Variants in TMEFF2 observed in about 807,000 individuals in gnomAD.
TMEFF2 encodes the protein tomoregulin-2.
TMEFF2 carries 28 observed loss-of-function variants against 53.8 expected under a neutral mutation model. The observed-to-expected ratio is 0.52, with a 90% CI of 0.39 to 0.71. TMEFF2 has a LOEUF of 0.71. TMEFF2 is among the 30% of genes least tolerant of loss of function. TMEFF2 has a pLI of 0.00. For synonymous variants in TMEFF2, 162 were observed against 166.3 expected (o/e 0.97, Z 0.20); for missense variants, 353 against 455.2 (o/e 0.78, Z 2.04).
chr2:192,043,756 A>G lies in TMEFF2; in HGVS notation c.536+13923T>C, dbSNP rs188277115. On this transcript the variant is annotated intron_variant, in intron 5 of 9. Transcript: ENST00000272771. ...ATGAAGGCTACGATGGTAGGAAAAG[A>G]TAAGTGGAAGCTGCTAAAACTGCAT... 258 of 152,400 alleles carry G rather than the reference A, an allele frequency of 1.7e-3. 1 individual carries two copies. The highest frequency in any genetic ancestry group is 6.0e-3 in the African/African-American group (251 of 41,602). The allele number at this position is 152,400 out of a possible 1,614,324, so 9.4% of individuals were successfully genotyped here.
chr2:192,005,047 T>C (rs1223901634), intron 5 of TMEFF2, among the ~76,000 whole-genome samples: 6 of 152,222 alleles, frequency 3.9e-5, no homozygotes, highest in Non-Finnish European at 7.3e-5. Flanking sequence ...GAATCAGCCT[T>C]ACTCGAAAAT....
chr2:192,035,848 A>G (rs1335348294), intron 5 of TMEFF2, among the ~76,000 whole-genome samples: 1 of 152,102 alleles, frequency 6.6e-6, no homozygotes, highest in Admixed American at 6.5e-5. Flanking sequence ...CCCTACTCCA[A>G]ATTGACTTTA....
At chr2:192,131,583 A>G (rs1689830816) in intron 4 of TMEFF2, among the ~76,000 whole-genome samples, 1 of 151,710 alleles carries the variant, frequency 6.6e-6, no homozygotes. Flanking sequence ...CTGTGCCCCA[A>G]TCCCTTATTT....
intron 4 of TMEFF2, among the ~76,000 whole-genome samples, chr2:192,170,620 G>A (rs1199059425): frequency 1.3e-5 from 2 of 152,006 alleles, no homozygotes; most frequent in African/African-American, 4.8e-5. Flanking sequence ...AACTTTATAG[G>A]AAATATTATT....
intron 4 of TMEFF2, among the ~76,000 whole-genome samples, chr2:192,127,223 G>A (rs1351789318): frequency 6.6e-6 from 1 of 152,140 alleles, no homozygotes; most frequent in Non-Finnish European, 1.5e-5. Flanking sequence ...CTGTCAGCAA[G>A]AAGGAAAAAC....
intron 5 of TMEFF2, among the ~76,000 whole-genome samples, chr2:192,055,774 C>CAAAAAAA (rs71405038): frequency 4.7e-4 from 20 of 42,480 alleles, no homozygotes; most frequent in African/African-American, 1.4e-3. Flanking sequence ...GACTCCATCT[C>CAAAAAAA]AAAAAAAAAA....
intron 8 of TMEFF2, among the ~76,000 whole-genome samples, chr2:191,955,722 G>C (rs1692062415): frequency 6.6e-6 from 1 of 151,298 alleles, no homozygotes; most frequent in South Asian, 2.1e-4. Context: ...AAACTGGGGG[G>C]GTATGGCTAA....
At chr2:192,153,189 G>A in intron 4 of TMEFF2, among the ~76,000 whole-genome samples, 1 of 151,492 alleles carries the variant, frequency 6.6e-6, no homozygotes, top group African/African-American at 2.4e-5. Context: ...AAAGAAGTAG[G>A]TTATAGATAT....
intron 5 of TMEFF2, chr2:192,028,010 T>A: frequency 7.3e-6 from 1 of 137,442 alleles, no homozygotes; most frequent in Admixed American, 7.9e-5. Flanking sequence ...TGAATTTAAC[T>A]CCCGTAATTC....
intron 4 of TMEFF2, among the ~76,000 whole-genome samples, chr2:192,070,725 T>G (rs894986511): frequency 6.6e-6 from 1 of 151,928 alleles, no homozygotes; most frequent in African/African-American, 2.4e-5. Context: ...ATCTGAGATC[T>G]TTAAATCATA....
intron 4 of TMEFF2, among the ~76,000 whole-genome samples, chr2:192,068,418 A>G (rs1170998548): frequency 6.6e-6 from 1 of 151,924 alleles, no homozygotes; most frequent in Non-Finnish European, 1.5e-5. Context: ...AGATAAAAAT[A>G]TTATGGAGCC....
chr2:192,037,176 C>G (rs6434528), intron 5 of TMEFF2: 147,176 of 151,728 alleles, frequency 0.97, 71,533 homozygotes, highest in East Asian at 1. Flanking sequence ...TCATTACTGG[C>G]TTCTTTCTCT....
At chr2:192,091,505 G>T (rs1688789505) in intron 4 of TMEFF2, among the ~76,000 whole-genome samples, 1 of 152,108 alleles carries the variant, frequency 6.6e-6, no homozygotes, top group African/African-American at 2.4e-5. Context: ...TACTTCCTTT[G>T]CTTGTCTGCA....
chr2:192,080,254 G>A (rs1457339247), intron 4 of TMEFF2, among the ~76,000 whole-genome samples: 3 of 152,112 alleles, frequency 2.0e-5, no homozygotes, highest in Non-Finnish European at 2.9e-5. Flanking sequence ...TAATCCCCAC[G>A]TGTCAAGGGA....
intron 4 of TMEFF2, among the ~76,000 whole-genome samples, chr2:192,152,685 T>C (rs1438683468): frequency 6.6e-6 from 1 of 151,928 alleles, no homozygotes; most frequent in Non-Finnish European, 1.5e-5. Flanking sequence ...AAAAGACAAT[T>C]ATTTAATCAA....
At chr2:191,955,524 A>ATTT (rs71405028) in intron 8 of TMEFF2, among the ~76,000 whole-genome samples, 3 of 60,304 alleles carry the variant, frequency 5.0e-5, no homozygotes, top group African/African-American at 1.3e-4. Flanking sequence ...CTAATTCTTA[A>ATTT]TTTTTTTTTT....
chr2:192,005,919 G>A (rs1053398478), intron 5 of TMEFF2, among the ~76,000 whole-genome samples: 5 of 152,128 alleles, frequency 3.3e-5, no homozygotes, highest in Non-Finnish European at 7.4e-5. Flanking sequence ...GTGCAGGAAT[G>A]ACTGTGAGTT....
chr2:192,166,668 C>T (rs1690776425), intron 4 of TMEFF2, among the ~76,000 whole-genome samples: 1 of 152,150 alleles, frequency 6.6e-6, no homozygotes, highest in African/African-American at 2.4e-5. Context: ...TCAGGCTCCA[C>T]ATGCCCTGCA....
At chr2:192,167,876 G>A (rs957900615) in intron 4 of TMEFF2, among the ~76,000 whole-genome samples, 8 of 152,112 alleles carry the variant, frequency 5.3e-5, no homozygotes, top group Non-Finnish European at 7.4e-5. Context: ...AGTGGCTTCC[G>A]TGTTGATGCA....
Sources: allele counts gnomAD v4.1 joint callset (sites outside exome capture counted in the v4.1 genomes callset), GRCh38; gene constraint gnomAD v4.1.1; transcripts MANE v1.5; gene names NCBI Gene and HGNC (gene_info 2026-07-23, HGNC 2026-07-21).